The following TF variants were observed in gnomAD, a reference collection of about 807,000 sequenced individuals.
TF encodes transferrin.
Under a neutral mutation model 82.4 loss-of-function variants are expected in TF, and 55 were observed. The ratio of observed to expected loss-of-function variants is 0.67; its 90% CI spans 0.54 to 0.84. TF has a LOEUF of 0.84. TF is among the 40% of genes least tolerant of loss of function. TF has a pLI of 0.00. For synonymous variants in TF, 332 were observed against 332.6 expected (o/e 1.00, Z 0.02); for missense variants, 737 against 868.4 (o/e 0.85, Z 1.90).
chr3:133,736,896 A>G, the TF span, among the ~76,000 whole-genome samples: 23 of 152,116 alleles, frequency 1.5e-4, no homozygotes, highest in African/African-American at 4.1e-4. Context: ...CACTGTCAAT[A>G]TAAGGCAGAT....
At chr3:133,733,363 C>G in the TF span, among the ~76,000 whole-genome samples, 1 of 152,224 alleles carries the variant, frequency 6.6e-6, no homozygotes, top group Non-Finnish European at 1.5e-5. Context: ...TCCCTGACTA[C>G]TAACCTCCTT....
intron 15 of TF, 63 bp downstream of exon 15, chr3:133,775,680 G>A (rs1376146815): frequency 1.3e-6 from 2 of 1,566,004 alleles, no homozygotes; most frequent in Non-Finnish European, 1.8e-6. Flanking sequence ...TTCGGGGGGA[G>A]TTTACAACAA....
intron 10 of TF, among the ~76,000 whole-genome samples, 179 bp downstream of exon 10, chr3:133,764,454 T>C (rs1934075023): frequency 1.3e-5 from 2 of 152,210 alleles, no homozygotes; most frequent in Non-Finnish European, 2.9e-5. Flanking sequence ...TCTTGAAGGT[T>C]GGGAGTTATA....
chr3:133,796,271 G>C lies in TF; in HGVS notation c.*17651G>C, dbSNP rs965579818. 9 of 152,640 alleles carry C rather than the reference G, an allele frequency of 5.9e-5. No individual in the cohort carries two copies. The highest frequency in any genetic ancestry group is 1.3e-4 in the Admixed American group (2 of 15,290). The allele number at this position is 152,640 out of a possible 1,614,324, so 9.5% of individuals were successfully genotyped here. A position where few individuals can be genotyped will look rare whatever the true frequency, so the allele number is the denominator to read the frequency against. ...ACTTCTGTGATCCTCAATAGGTAGG[G>C]ACTAGGCCTCAAGCCAACATGAAGC... On this transcript the variant is annotated 3_prime_UTR_variant, in exon 17 of 17. Coordinates refer to ENST00000402696, the MANE Select transcript of TF (RefSeq NM_001063.4).
At chr3:133,774,475 A>G (rs1006113298) in intron 14 of TF, 4 of 152,164 alleles carry the variant, frequency 2.6e-5, no homozygotes, top group Admixed American at 1.3e-4. Context: ...TAAACAGTTG[A>G]AAAAAAAGCT....
At chr3:133,694,818 T>C in the TF span, among the ~76,000 whole-genome samples, 1 of 152,188 alleles carries the variant, frequency 6.6e-6, no homozygotes, top group African/African-American at 2.4e-5. Flanking sequence ...TCCAAAGTTA[T>C]TAGTCTCCAT....
At chr3:133,757,074 C>T (rs1028551346) in intron 7 of TF, 65 bp downstream of exon 7, 5 of 1,600,826 alleles carry the variant, frequency 3.1e-6, no homozygotes, top group Non-Finnish European at 2.6e-6. Flanking sequence ...GGGTTTTCCT[C>T]CTGGCCATCT....
At position 133,753,943 on chromosome 3, in the gene TF, A is replaced by G. The variant is rs866656184; in HGVS notation, c.325+240A>G. The G allele has an allele frequency of 6.2e-5, 37 of 599,596 alleles. No homozygotes were observed. In the African/African-American group the frequency reaches 6.3e-4, roughly 10 times the overall value. The allele number at this position is 599,596 out of a possible 1,614,324, so 37.1% of individuals were successfully genotyped here. A position where few individuals can be genotyped will look rare whatever the true frequency, so the allele number is the denominator to read the frequency against. On this transcript the variant is annotated intron_variant, in intron 3 of 16. Coordinates refer to ENST00000402696, the MANE Select transcript of TF (RefSeq NM_001063.4). ...CCTGGGCCAGGGGCATATGCTTATC[A>G]GAGAAACACAGCAGGCTGTGTGCAG...
intron 12 of TF, among the ~76,000 whole-genome samples, chr3:133,767,535 C>T (rs142025951): frequency 6.8e-4 from 103 of 152,322 alleles, no homozygotes; most frequent in African/African-American, 2.5e-3. Flanking sequence ...CTGACAAAGG[C>T]ACTACCTCTG....
the TF span, among the ~76,000 whole-genome samples, chr3:133,733,866 AC>A: frequency 0.019 from 147 of 7,592 alleles, no homozygotes; most frequent in Admixed American, 0.056. Flanking sequence ...TCCTTAAAAA[AC>A]AAAAAAAAAA....
At position 133,754,630 on chromosome 3, in the gene TF, T is replaced by G; in HGVS notation, c.461T>G (p.Leu154Arg). ...SAGWNIPIGL[L>R]YCDLPEPRKP... Reference sequence around the variant, plus strand: ...GGGTGGAACATCCCCATAGGCTTACTTTACTGTGACTTACCTGAGCCACGT... The same window carrying G: ...GGGTGGAACATCCCCATAGGCTTACGTTACTGTGACTTACCTGAGCCACGT... The change falls in exon 4 of 17, where the codon CTT becomes CGT. Residue 154 changes from leucine (L) to arginine (R), a missense_variant. Coordinates refer to ENST00000402696, the MANE Select transcript of TF (RefSeq NM_001063.4). The G allele has an allele frequency of 6.2e-7, 1 of 1,614,230 alleles. No homozygotes were observed. The highest frequency in any genetic ancestry group is 1.7e-5 in the Admixed American group (1 of 60,034).
the TF span, among the ~76,000 whole-genome samples, chr3:133,678,400 G>A: frequency 2.9e-4 from 44 of 152,304 alleles, no homozygotes; most frequent in Middle Eastern, 6.8e-3. Flanking sequence ...TGAGTCAAAT[G>A]GTATTTCTGG....
chr3:133,782,601 C>G lies in TF; in HGVS notation c.*3981C>G, dbSNP rs748767216. 1 of 151,964 alleles carries G rather than the reference C, an allele frequency of 6.6e-6. No individual in the cohort carries two copies. The highest frequency in any genetic ancestry group is 1.5e-5 in the Non-Finnish European group (1 of 68,034). The allele number at this position is 151,964 out of a possible 1,614,324, so 9.4% of individuals were successfully genotyped here. Reference sequence around the variant, plus strand: ...AAGAAAACACTCAAATACAGGTATACAGAGATAACAAAACCTGAGGTGGAG... The same window carrying G: ...AAGAAAACACTCAAATACAGGTATAGAGAGATAACAAAACCTGAGGTGGAG... On this transcript the variant is annotated 3_prime_UTR_variant, in exon 17 of 17. Transcript: ENST00000402696.
At chr3:133,690,597 T>C in the TF span, among the ~76,000 whole-genome samples, 1 of 152,208 alleles carries the variant, frequency 6.6e-6, no homozygotes, top group African/African-American at 2.4e-5. Flanking sequence ...TTTTGTAATG[T>C]GTGTATGTGT....
upstream of TF, chr3:133,746,297 G>T: frequency 1.1e-6 from 1 of 946,106 alleles, no homozygotes; most frequent in Non-Finnish European, 1.6e-6. Context: ...AGGGGCGATT[G>T]GGCAACCCGG....
the TF span, among the ~76,000 whole-genome samples, chr3:133,665,188 C>T: frequency 2.6e-5 from 4 of 152,002 alleles, no homozygotes; most frequent in African/African-American, 7.2e-5. Context: ...AGCTGGGGAC[C>T]GGGTGCTATG....
At chr3:133,671,835 G>GAAA in the TF span, among the ~76,000 whole-genome samples, 2 of 150,654 alleles carry the variant, frequency 1.3e-5, no homozygotes, top group Admixed American at 6.6e-5. Context: ...AGGAGAAGAA[G>GAAA]GAAAGAAAGA....
chr3:133,662,574 G>A, the TF span, among the ~76,000 whole-genome samples: 1 of 152,258 alleles, frequency 6.6e-6, no homozygotes, highest in African/African-American at 2.4e-5. Flanking sequence ...AGTGGACATC[G>A]CCGTTCTCTT....
chr3:133,705,342 C>G, the TF span, among the ~76,000 whole-genome samples: 2 of 151,980 alleles, frequency 1.3e-5, no homozygotes, highest in African/African-American at 4.8e-5. Flanking sequence ...ATCTTTCTGA[C>G]TCCCTGGACT....
Sources: allele counts gnomAD v4.1 joint callset (sites outside exome capture counted in the v4.1 genomes callset), GRCh38; gene constraint gnomAD v4.1.1; transcripts MANE v1.5; gene names NCBI Gene and HGNC (gene_info 2026-07-23, HGNC 2026-07-21).